Variants in LSAMP observed in about 807,000 individuals in gnomAD.
LSAMP encodes limbic system-associated membrane protein.
LSAMP carries 7 observed loss-of-function variants against 38.6 expected under a neutral mutation model. The observed-to-expected ratio is 0.18, with a 90% CI of 0.10 to 0.34. The LOEUF is 0.34. Among genes scored for constraint, LSAMP ranks in the 10% least tolerant of loss-of-function variants. The probability of loss-of-function intolerance (pLI) is 1.00; values close to 1 mark genes in which losing one functional copy is unlikely to be tolerated. For missense variants in LSAMP, 313 were observed against 420.0 expected (o/e 0.75, Z 2.23); for synonymous variants, 154 against 166.8 (o/e 0.92, Z 0.59).
chr3:116,296,529 A>G (rs1267990440), intron 1 of LSAMP, among the ~76,000 whole-genome samples: 1 of 151,840 alleles, frequency 6.6e-6, no homozygotes, highest in Non-Finnish European at 1.5e-5. Flanking sequence ...AAAAAATACA[A>G]AAAATTAGCC....
At chr3:115,974,685 T>A (rs1939128365) in intron 3 of LSAMP, among the ~76,000 whole-genome samples, 1 of 152,200 alleles carries the variant, frequency 6.6e-6, no homozygotes, top group Non-Finnish European at 1.5e-5. Flanking sequence ...AGGAAGCAGA[T>A]GTCTCAGGAA....
At position 116,086,549 on chromosome 3, in the gene LSAMP, C is replaced by A. The variant is rs1422762660; in HGVS notation, c.163G>T (p.Val55Leu). 2.5e-6 allele frequency: 4 copies of A among 1,613,744 alleles called. No individual in the cohort carries two copies. The South Asian group carries it at 4.4e-5, about 18-fold the overall frequency. The change falls in exon 2 of 7, where the codon GTA becomes TTA. Residue 55 changes from valine (V) to leucine (L), a missense_variant. Physicochemically the swap from Val to Leu is conservative, Grantham distance 32. Transcript: ENST00000490035. The part of the protein sequence containing the change: ...QGDTAILRCV[V>L]EDKNSKVAWL... Reference sequence around the variant, plus strand: ...GCCACCTTTGAGTTCTTGTCTTCTACAACGCACCTGACAGAGCAGAGTAAC... The same window carrying A: ...GCCACCTTTGAGTTCTTGTCTTCTAAAACGCACCTGACAGAGCAGAGTAAC...
intron 6 of LSAMP, among the ~76,000 whole-genome samples, chr3:115,826,058 T>C (rs1332960270): frequency 6.6e-6 from 1 of 152,158 alleles, no homozygotes; most frequent in African/African-American, 2.4e-5. Context: ...CCTTTGCAGG[T>C]AGTGGGTTGT....
At chr3:115,919,720 T>C (rs1937338716) in intron 3 of LSAMP, among the ~76,000 whole-genome samples, 1 of 152,218 alleles carries the variant, frequency 6.6e-6, no homozygotes, top group African/African-American at 2.4e-5. Context: ...CAAGTGATTC[T>C]CTTGCCTCAG....
chr3:115,807,385 C>T lies in LSAMP; in HGVS notation c.*2932G>A, dbSNP rs1279250660. ...ATCCTGCTAGAGACACAGGCAAACACCACATTTAAATATATGTTTAATTAT... is the reference window on the plus strand; with the variant it reads ...ATCCTGCTAGAGACACAGGCAAACATCACATTTAAATATATGTTTAATTAT... On this transcript the variant is annotated 3_prime_UTR_variant, in exon 7 of 7. Transcript: ENST00000490035. 2 of 152,128 alleles carry T rather than the reference C, an allele frequency of 1.3e-5. No homozygotes were observed. The highest frequency in any genetic ancestry group is 4.8e-5 in the African/African-American group (2 of 41,418). The allele number at this position is 152,128 out of a possible 1,614,324, so 9.4% of individuals were successfully genotyped here.
chr3:116,166,687 T>C (rs966106631), intron 1 of LSAMP, among the ~76,000 whole-genome samples: 13 of 152,046 alleles, frequency 8.6e-5, no homozygotes, highest in African/African-American at 3.1e-4. Context: ...ATCTAGTATA[T>C]ACATTTAGAA....
intron 2 of LSAMP, among the ~76,000 whole-genome samples, chr3:116,064,910 A>G (rs537792509): frequency 2.0e-5 from 3 of 152,244 alleles, no homozygotes; most frequent in Non-Finnish European, 4.4e-5. Flanking sequence ...CGTACTAAAC[A>G]TTAAGGCTAG....
chr3:116,429,280 A>T (rs1027059103), intron 1 of LSAMP, among the ~76,000 whole-genome samples: 8 of 152,250 alleles, frequency 5.3e-5, no homozygotes, highest in African/African-American at 1.9e-4. Flanking sequence ...ACAAAAAGAG[A>T]TAAAATAGTG....
chr3:116,337,924 A>G (rs2047943548), intron 1 of LSAMP, among the ~76,000 whole-genome samples: 2 of 152,018 alleles, frequency 1.3e-5, no homozygotes, highest in Non-Finnish European at 2.9e-5. Context: ...ATTATGATAT[A>G]GGTTGTCTAA....
At chr3:116,409,528 C>A (rs981533614) in intron 1 of LSAMP, among the ~76,000 whole-genome samples, 1 of 152,016 alleles carries the variant, frequency 6.6e-6, no homozygotes, top group African/African-American at 2.4e-5. Context: ...CTGCCCCCTG[C>A]AATCCATTCT....
chr3:115,930,002 G>T (rs1289715806), intron 3 of LSAMP, among the ~76,000 whole-genome samples: 105 of 80,280 alleles, frequency 1.3e-3, no homozygotes, highest in East Asian at 2.7e-3. Context: ...TTTAGCAGAA[G>T]TTTTTTTTTT....
intron 1 of LSAMP, among the ~76,000 whole-genome samples, chr3:116,194,021 G>T (rs1229304918): frequency 6.6e-6 from 1 of 152,166 alleles, no homozygotes; most frequent in Non-Finnish European, 1.5e-5. Flanking sequence ...TGCAGTCAGG[G>T]TGCAATTGGA....
intron 1 of LSAMP, among the ~76,000 whole-genome samples, chr3:116,153,107 G>T (rs972818021): frequency 2.0e-5 from 3 of 152,040 alleles, no homozygotes; most frequent in African/African-American, 7.2e-5. Flanking sequence ...CTAGTAGAAT[G>T]AAAGTATAAA....
intron 1 of LSAMP, among the ~76,000 whole-genome samples, chr3:116,327,751 A>G (rs2047793320): frequency 6.6e-6 from 1 of 152,150 alleles, no homozygotes; most frequent in African/African-American, 2.4e-5. Flanking sequence ...AAGAAATAAC[A>G]TTCATTTGGC....
intron 1 of LSAMP, among the ~76,000 whole-genome samples, chr3:116,222,034 C>T (rs2107617716): frequency 6.6e-6 from 1 of 152,270 alleles, no homozygotes; most frequent in South Asian, 2.1e-4. Context: ...GACTCACCTC[C>T]ATTCTCCATC....
rs777477135 is a variant in LSAMP, at chr3:115,802,715, A to G, written c.*7602T>C. 25 of 151,700 alleles carry G rather than the reference A, an allele frequency of 1.6e-4. No homozygotes were observed. The highest frequency in any genetic ancestry group is 3.1e-4 in the Non-Finnish European group (21 of 67,936). 9.4% of individuals were successfully genotyped at this position (151,700 alleles called of 1,614,324 possible). On this transcript the variant is annotated 3_prime_UTR_variant, in exon 7 of 7. Transcript: ENST00000490035. ...TCTACAGGGCTGAAAAAAGGAATAT[A>G]TTTATATATATATTTATATGTATAT... is the stretch of plus-strand genomic sequence containing the variant.
At chr3:116,344,866 A>G (rs547168631) in intron 1 of LSAMP, among the ~76,000 whole-genome samples, 1 of 152,316 alleles carries the variant, frequency 6.6e-6, no homozygotes, top group Non-Finnish European at 1.5e-5. Flanking sequence ...AATGAAAAAG[A>G]GATAGGTTTC....
At chr3:116,284,715 A>T (rs762332592) in intron 1 of LSAMP, among the ~76,000 whole-genome samples, 1 of 152,192 alleles carries the variant, frequency 6.6e-6, no homozygotes, top group Non-Finnish European at 1.5e-5. Flanking sequence ...CCCACCAGGA[A>T]ATCACTTCTA....
chr3:116,130,845 CT>C (rs1709110585), intron 1 of LSAMP, among the ~76,000 whole-genome samples: 1 of 151,952 alleles, frequency 6.6e-6, no homozygotes. Flanking sequence ...TTTCTTCCCC[CT>C]TTTCCTCTCT....
Sources: allele counts gnomAD v4.1 joint callset (sites outside exome capture counted in the v4.1 genomes callset), GRCh38; gene constraint gnomAD v4.1.1; transcripts MANE v1.5; gene names NCBI Gene and HGNC (gene_info 2026-07-23, HGNC 2026-07-21).